The following RASEF variants were observed in gnomAD, a reference collection of about 807,000 sequenced individuals.
The protein encoded by RASEF is RAS and EF-hand domain containing, also known as ras and EF-hand domain-containing protein.
A neutral mutation model predicts 90.1 loss-of-function variants in RASEF; 68 were observed. That is an observed-to-expected ratio of 0.75 (90% CI 0.62 to 0.92). The LOEUF is 0.92. Among genes scored for constraint, RASEF ranks in the 40% least tolerant of loss-of-function variants. The pLI is 0.00. For synonymous variants in RASEF, 331 were observed against 345.2 expected, an observed-to-expected ratio of 0.96 and a Z score of 0.46; for missense variants, 949 against 937.2, an observed-to-expected ratio of 1.01 and a Z score of -0.16.
intron 1 of RASEF, among the ~76,000 whole-genome samples, chr9:83,028,057 T>C (rs763967773): frequency 2.6e-5 from 4 of 152,150 alleles, no homozygotes; most frequent in Non-Finnish European, 4.4e-5. Flanking sequence ...AAACAAGAAA[T>C]ACCAAAAATT....
chr9:83,188,398 G>T, the RASEF span, among the ~76,000 whole-genome samples: 2 of 152,210 alleles, frequency 1.3e-5, no homozygotes, highest in Non-Finnish European at 2.9e-5. Context: ...TGTTTTGTCT[G>T]CTTACAGAGG....
chr9:83,037,744 A>ATT (rs35483330), intron 1 of RASEF, among the ~76,000 whole-genome samples: 55,114 of 131,514 alleles, frequency 0.42, 12,164 homozygotes, highest in East Asian at 0.53. Flanking sequence ...TAAATGTCCT[A>ATT]TTTTTTTTTT....
At chr9:83,075,636 A>G in the RASEF span, among the ~76,000 whole-genome samples, 67,954 of 151,954 alleles carry the variant, frequency 0.45, 16,028 homozygotes, top group East Asian at 0.71. Flanking sequence ...AAAACACTCA[A>G]AAATTTATTT....
chr9:83,127,252 A>G, the RASEF span, among the ~76,000 whole-genome samples: 8 of 152,228 alleles, frequency 5.3e-5, no homozygotes, highest in Admixed American at 1.3e-4. Context: ...TATGATTTCT[A>G]TTGGTGACCA....
chr9:83,191,759 G>A, the RASEF span, among the ~76,000 whole-genome samples: 1 of 152,044 alleles, frequency 6.6e-6, no homozygotes, highest in African/African-American at 2.4e-5. Flanking sequence ...CCTCACCCCT[G>A]TCAAAAAATG....
chr9:82,982,618 A>G lies in RASEF; in HGVS notation c.*59T>C. 5.2e-6 allele frequency: 5 copies of G among 959,828 alleles called. No homozygotes were observed. The highest frequency in any genetic ancestry group is 8.6e-6 in the Non-Finnish European group (5 of 584,722). The allele number at this position is 959,828 out of a possible 1,614,324, so 59.5% of individuals were successfully genotyped here. On this transcript the variant is annotated 3_prime_UTR_variant, in exon 17 of 17. Coordinates refer to ENST00000376447, the MANE Select transcript of RASEF (RefSeq NM_152573.4). ...GTGCCACTCTGTTAAGAGCCAAATA[A>G]GTCACACAAATTCAGTATTCTGGAA...
At chr9:83,102,611 G>T in the RASEF span, among the ~76,000 whole-genome samples, 1 of 152,288 alleles carries the variant, frequency 6.6e-6, no homozygotes, top group East Asian at 1.9e-4. Flanking sequence ...CTACACACGA[G>T]TTCAGGCAGG....
At chr9:83,207,978 CCTT>C in the RASEF span, among the ~76,000 whole-genome samples, 46 of 152,280 alleles carry the variant, frequency 3.0e-4, no homozygotes, top group South Asian at 8.7e-3. Flanking sequence ...ATCAGTCTCT[CCTT>C]CTGTTCTTGT....
the RASEF span, among the ~76,000 whole-genome samples, chr9:83,170,500 T>C: frequency 6.6e-6 from 1 of 151,924 alleles, no homozygotes; most frequent in Non-Finnish European, 1.5e-5. Context: ...TGAATCTATA[T>C]ATCTCTTTGT....
chr9:83,112,575 T>G, the RASEF span, among the ~76,000 whole-genome samples: 1 of 151,994 alleles, frequency 6.6e-6, no homozygotes, highest in South Asian at 2.1e-4. Flanking sequence ...TAATCTCAGC[T>G]ACTTGGGAGC....
intron 9 of RASEF, among the ~76,000 whole-genome samples, chr9:83,002,873 T>G (rs1241520798): frequency 6.6e-6 from 1 of 152,040 alleles, no homozygotes; most frequent in African/African-American, 2.4e-5. Context: ...CCCTGAATCT[T>G]AAATAAAAGT....
chr9:83,211,622 C>G, the RASEF span, among the ~76,000 whole-genome samples: 9 of 152,180 alleles, frequency 5.9e-5, no homozygotes, highest in African/African-American at 2.2e-4. Flanking sequence ...GTCTGAAGAC[C>G]ATATGGTTTC....
the RASEF span, among the ~76,000 whole-genome samples, chr9:83,111,457 A>G: frequency 6.6e-6 from 1 of 152,152 alleles, no homozygotes; most frequent in Non-Finnish European, 1.5e-5. Context: ...ATAATAATAT[A>G]CTGTACACCT....
chr9:83,200,645 C>T, the RASEF span, among the ~76,000 whole-genome samples: 5 of 152,166 alleles, frequency 3.3e-5, no homozygotes, highest in Non-Finnish European at 7.4e-5. Flanking sequence ...TCATTTTTGT[C>T]TCACTCCACT....
At chr9:83,067,039 C>A (rs1006053489), upstream of RASEF, among the ~76,000 whole-genome samples, 4 of 152,158 alleles carry the variant, frequency 2.6e-5, no homozygotes, top group African/African-American at 4.8e-5. Context: ...ATGAGCAATA[C>A]CACTTTAACC....
the RASEF span, among the ~76,000 whole-genome samples, chr9:83,125,592 A>G: frequency 1.8e-4 from 27 of 152,164 alleles, no homozygotes; most frequent in Non-Finnish European, 2.1e-4. Flanking sequence ...ATTTTGTCAT[A>G]TATCATTCTG....
the RASEF span, among the ~76,000 whole-genome samples, chr9:83,142,645 A>G: frequency 6.6e-6 from 1 of 152,162 alleles, no homozygotes; most frequent in Non-Finnish European, 1.5e-5. Context: ...CAGAGAAACT[A>G]TAGGGAGTGG....
At chr9:83,009,897 T>G (rs1829208980) in intron 5 of RASEF, 141 bp from the exon 6 acceptor site, 1 of 556,422 alleles carries the variant, frequency 1.8e-6, no homozygotes, top group Non-Finnish European at 3.2e-6. Context: ...AACAACTATT[T>G]GTCAATTCAA....
the RASEF span, among the ~76,000 whole-genome samples, chr9:83,204,386 G>A: frequency 6.6e-6 from 1 of 152,160 alleles, no homozygotes; most frequent in African/African-American, 2.4e-5. Context: ...TGTATCTGAA[G>A]TTCACAGGCC....
Sources: allele counts gnomAD v4.1 joint callset (sites outside exome capture counted in the v4.1 genomes callset), GRCh38; gene constraint gnomAD v4.1.1; transcripts MANE v1.5; gene names NCBI Gene and HGNC (gene_info 2026-07-23, HGNC 2026-07-21).